Variants in CCDC141 observed in about 807,000 individuals in gnomAD.
CCDC141 encodes the protein coiled-coil domain containing 141, also known as coiled-coil domain-containing protein 141.
A neutral mutation model predicts 181.0 loss-of-function variants in CCDC141; 168 were observed. The observed-to-expected ratio is 0.93, with a 90% CI of 0.82 to 1.05. CCDC141 has a LOEUF of 1.05. Ranked by LOEUF, CCDC141 falls within the 50% of genes least tolerant of loss-of-function variation. The pLI, the probability that CCDC141 is intolerant of heterozygous loss-of-function variation, is 0.00. For missense variants in CCDC141, 1,902 were observed against 1,788.5 expected, an observed-to-expected ratio of 1.06 and a Z score of -1.14; for synonymous variants, 666 against 642.3, an observed-to-expected ratio of 1.04 and a Z score of -0.56.
At chr2:178,981,895 C>T (rs1420159673) in intron 2 of CCDC141, among the ~76,000 whole-genome samples, 1 of 150,894 alleles carries the variant, frequency 6.6e-6, no homozygotes, top group Admixed American at 6.6e-5. Flanking sequence ...AATCCCTAGT[C>T]AGGCTAATCA....
intron 6 of CCDC141, among the ~76,000 whole-genome samples, chr2:178,931,529 A>G (rs1390386813): frequency 6.6e-6 from 1 of 152,218 alleles, no homozygotes; most frequent in African/African-American, 2.4e-5. Context: ...ACATGGATAG[A>G]CCTGAAAAAC....
Position 178,885,052 on chromosome 2 carries a change from A to G in CCDC141, c.1568T>C (p.Met523Thr), listed in dbSNP as rs1260622546. The part of the protein sequence containing the change: ...HELEAAAKTM[M>T]EKNEFVSDEM... Reference sequence around the variant, plus strand: ...ATCAGATACAAATTCATTTTTCTCCATCATGGTTTTTGCAGCTGCTTCTAA... The same window carrying G: ...ATCAGATACAAATTCATTTTTCTCCGTCATGGTTTTTGCAGCTGCTTCTAA... The change falls in exon 11 of 24, where the codon ATG becomes ACG. Residue 523 changes from methionine (M) to threonine (T), a missense_variant. By Grantham distance (81) the Met-to-Thr change is moderately conservative. Transcript: ENST00000443758. The G allele has an allele frequency of 6.5e-7, 1 of 1,550,252 alleles. No individual in the cohort carries two copies. Among genetic ancestry groups the G allele is most frequent in the African/African-American group, 1.4e-5 (1 of 73,050 alleles).
intron 5 of CCDC141, among the ~76,000 whole-genome samples, chr2:178,954,859 T>C (rs530647027): frequency 7.9e-5 from 12 of 152,162 alleles, no homozygotes; most frequent in African/African-American, 2.9e-4. Flanking sequence ...TGTGGTTTCA[T>C]ATGTTCTAGA....
rs76422620 is a variant in CCDC141 at position 178,992,517 on chromosome 2, G to T, written c.226-13842C>A. Among the ~76,000 whole-genome samples, 21 of 151,678 alleles carry T rather than the reference G, an allele frequency of 1.4e-4. 2 individuals carry two copies. In the East Asian group the frequency reaches 4.1e-3, roughly 29 times the overall value. On this transcript the variant is annotated intron_variant, in intron 2 of 23. Coordinates refer to ENST00000443758, the MANE Select transcript of CCDC141 (RefSeq NM_173648.4). Reference sequence around the variant, plus strand: ...ACATTACACACTTAATTATATTATTGTTCCCAGTTATTTGCTGTTTCTCTC... The same window carrying T: ...ACATTACACACTTAATTATATTATTTTTCCCAGTTATTTGCTGTTTCTCTC...
intron 2 of CCDC141, among the ~76,000 whole-genome samples, chr2:178,982,511 C>T (rs1049200865): frequency 6.6e-6 from 1 of 152,186 alleles, no homozygotes; most frequent in Non-Finnish European, 1.5e-5. Flanking sequence ...CCAGCCTGAG[C>T]GACGCAGAAG....
chr2:178,907,918 G>C (rs1388796050), intron 7 of CCDC141, among the ~76,000 whole-genome samples: 2 of 151,850 alleles, frequency 1.3e-5, no homozygotes, highest in Non-Finnish European at 2.9e-5. Flanking sequence ...AGAATCACTA[G>C]AACCCGGGAG....
At chr2:178,882,716 G>C (rs1209031765) in intron 11 of CCDC141, among the ~76,000 whole-genome samples, 1 of 152,142 alleles carries the variant, frequency 6.6e-6, no homozygotes, top group East Asian at 1.9e-4. Context: ...CTGAAGCAGA[G>C]GCCCGTGCAT....
At chr2:179,038,321 C>A (rs1575378553) in intron 2 of CCDC141, among the ~76,000 whole-genome samples, 1 of 152,182 alleles carries the variant, frequency 6.6e-6, no homozygotes, top group African/African-American at 2.4e-5. Context: ...TAGACAAATT[C>A]ATAGAGACAG....
chr2:178,959,558 G>A (rs1690306687), intron 5 of CCDC141, among the ~76,000 whole-genome samples: 1 of 152,152 alleles, frequency 6.6e-6, no homozygotes, highest in Admixed American at 6.5e-5. Flanking sequence ...TTATGCCAGA[G>A]TCTTCAGGAA....
intron 2 of CCDC141, among the ~76,000 whole-genome samples, chr2:178,991,993 C>G (rs190899215): frequency 2.2e-4 from 33 of 152,106 alleles, no homozygotes; most frequent in African/African-American, 7.9e-4. Context: ...TCTGCCTCAT[C>G]ATCACTATTA....
intron 8 of CCDC141, among the ~76,000 whole-genome samples, chr2:178,894,729 A>G (rs140617860): frequency 6.6e-6 from 1 of 152,132 alleles, no homozygotes; most frequent in Non-Finnish European, 1.5e-5. Context: ...GAGTTAAAAT[A>G]GTGAAAAAAT....
chr2:179,027,369 G>A (rs116624564), intron 2 of CCDC141, among the ~76,000 whole-genome samples: 4,759 of 152,202 alleles, frequency 0.031, 249 homozygotes, highest in African/African-American at 0.11. Context: ...TTCCGGCCAG[G>A]CATGGTGGCT....
chr2:179,017,137 T>C (rs1487659167), intron 2 of CCDC141, among the ~76,000 whole-genome samples: 2 of 152,158 alleles, frequency 1.3e-5, no homozygotes, highest in Admixed American at 6.6e-5. Flanking sequence ...TTTTGAACTT[T>C]TAAATAATTA....
Position 178,845,727 on chromosome 2 carries a change from T to C in CCDC141, c.3373A>G (p.Lys1125Glu). Residue 1125 changes from lysine (K) to glutamate (E), a missense_variant, in exon 22 of 24, where the codon AAG (lysine) becomes GAG (glutamate). By Grantham distance (56) the Lys-to-Glu change is moderately conservative (BLOSUM62 1). Transcript: ENST00000443758. ...AAGTCTTCCAAATTCGGATTCATCT[T>C]TAAAACATCTCCCTGCTGTACAAAG... ...EEKLKQGDVLKMNPNLEDFHY... is the reference protein window; with the variant it reads ...EEKLKQGDVLEMNPNLEDFHY... The C allele has an allele frequency of 6.2e-7, 1 of 1,604,064 alleles. No individual in the cohort carries two copies. The highest frequency in any genetic ancestry group is 8.5e-7 in the Non-Finnish European group (1 of 1,170,998).
At position 178,924,462 on chromosome 2, in the gene CCDC141, T is replaced by C. The variant is rs542964923; in HGVS notation, c.898-5555A>G. Reference sequence around the variant, plus strand: ...AAAACAAACCTGGCAATTTTAATCATAGAATATTTGAAAGTCTGCTTAAGA... The same window carrying C: ...AAAACAAACCTGGCAATTTTAATCACAGAATATTTGAAAGTCTGCTTAAGA... On this transcript the variant is annotated intron_variant, in intron 6 of 23. Coordinates refer to ENST00000443758, the MANE Select transcript of CCDC141 (RefSeq NM_173648.4). Among the ~76,000 whole-genome samples the C allele has an allele frequency of 4.6e-5, 7 of 152,316 alleles. No individual in the cohort carries two copies. In the East Asian group the frequency reaches 7.7e-4, roughly 17 times the overall value.
At chr2:178,861,692 G>A (rs1314525547) in intron 17 of CCDC141, among the ~76,000 whole-genome samples, 1 of 150,854 alleles carries the variant, frequency 6.6e-6, no homozygotes, top group Non-Finnish European at 1.5e-5. Flanking sequence ...ATCTTGCCTA[G>A]GCTGGACTGG....
At position 179,003,529 on chromosome 2, in the gene CCDC141, A is replaced by G. The variant is rs181634435; in HGVS notation, c.226-24854T>C. 1.1e-3 allele frequency among the ~76,000 whole-genome samples: 161 copies of G among 151,274 alleles called. 3 individuals carry two copies. The East Asian group carries it at 0.028, about 26-fold the overall frequency. ...AAGCTCTTAGTAAAGTGCCTCAAAT[A>G]TAGTAAGTATGTAATAAATATTAGC... On this transcript the variant is annotated intron_variant, in intron 2 of 23. Transcript: ENST00000443758.
At chr2:178,824,980 C>T (rs1684099406), downstream of CCDC141, among the ~76,000 whole-genome samples, 2 of 152,086 alleles carry the variant, frequency 1.3e-5, no homozygotes, top group East Asian at 1.9e-4. Flanking sequence ...TAATAAAGTA[C>T]AATGCCATAA....
intron 7 of CCDC141, among the ~76,000 whole-genome samples, chr2:178,906,325 T>G (rs1292746930): frequency 6.6e-6 from 1 of 152,108 alleles, no homozygotes; most frequent in Admixed American, 6.6e-5. Flanking sequence ...GGTATTAAGA[T>G]GGAGGAGTGT....
Sources: gnomAD v4.1 joint callset for allele counts (sites outside exome capture counted in the v4.1 genomes callset) on GRCh38, gnomAD v4.1.1 for gene constraint, MANE v1.5 for transcripts, NCBI Gene and HGNC (gene_info 2026-07-23, HGNC 2026-07-21) for gene names.